Variants in ZFP92 observed in about 807,000 individuals in gnomAD.
ZFP92 encodes zinc finger protein 92 homolog.
Under a neutral mutation model 7.6 loss-of-function variants are expected in ZFP92, and 2 were observed. That is an observed-to-expected ratio of 0.26 (90% CI 0.11 to 0.83). ZFP92 has a LOEUF of 0.83. Ranked by LOEUF, ZFP92 falls within the 40% of genes least tolerant of loss-of-function variation. The probability of loss-of-function intolerance (pLI) is 0.65; values close to 1 mark genes in which losing one functional copy is unlikely to be tolerated. For synonymous variants in ZFP92, 226 were observed against 183.6 expected (o/e 1.23, Z -1.87); for missense variants, 324 against 408.3 (o/e 0.79, Z 1.78).
In ZFP92 at chrX:153,425,729, T is replaced by C. The variant is rs1018316067; in HGVS notation, c.*4101T>C. 1 of 111,462 alleles carries C rather than the reference T, an allele frequency of 9.0e-6. No homozygotes were observed. Among genetic ancestry groups the C allele is most frequent in the Non-Finnish European group, 1.9e-5 (1 of 53,006 alleles). The allele number at this position is 111,462 out of a possible 1,213,427, so 9.2% of individuals were successfully genotyped here. A position where few individuals can be genotyped will look rare whatever the true frequency, so the allele number is the denominator to read the frequency against. Reference sequence around the variant, plus strand: ...GCCACGTGTCTCAGGGGCTCCCACTTGCCATGGGACTCGCAGCTGGTTCCA... The same window carrying C: ...GCCACGTGTCTCAGGGGCTCCCACTCGCCATGGGACTCGCAGCTGGTTCCA... On this transcript the variant is annotated 3_prime_UTR_variant, in exon 6 of 6. Coordinates refer to ENST00000338647, the MANE Select transcript of ZFP92 (RefSeq NM_001136273.2).
chrX:153,421,066 A>C lies in ZFP92; in HGVS notation c.689A>C (p.His230Pro). Residue 230 changes from histidine to proline, a missense_variant, in exon 6 of 6, where the codon CAC becomes CCC. Physicochemically the swap from His to Pro is moderately conservative, Grantham distance 77 (BLOSUM62 -2). Transcript: ENST00000338647. ...AACCTCATCAAGCACCAGGTCATCC[A>C]CAGCGGCGAGCGGCCCTTCGCCTGC... ...SSNLIKHQVIHSGERPFACGD... is the reference protein window; with the variant it reads ...SSNLIKHQVIPSGERPFACGD... The C allele has an allele frequency of 8.4e-7, 1 of 1,189,997 alleles. No homozygotes were observed. Among genetic ancestry groups the C allele is most frequent in the Non-Finnish European group, 1.1e-6 (1 of 884,374 alleles).
In ZFP92 at chrX:153,421,441, A is replaced by G; in HGVS notation, c.1064A>G (p.Lys355Arg). ...EKPYECSDCG[K>R]AFGRRANLFK... ...CCCTACGAGTGCAGCGACTGCGGCA[A>G]GGCCTTCGGCCGGCGCGCCAACCTA... The change falls in exon 6 of 6, where the codon AAG becomes AGG. Residue 355 changes from lysine (K) to arginine (R), a missense_variant. Coordinates refer to ENST00000338647, the MANE Select transcript of ZFP92 (RefSeq NM_001136273.2). The G allele has an allele frequency of 3.5e-6, 4 of 1,152,099 alleles. No individual in the cohort carries two copies. The highest frequency in any genetic ancestry group is 3.4e-6 in the Non-Finnish European group (3 of 870,611). The allele number at this position is 1,152,099 out of a possible 1,213,427, so 94.9% of individuals were successfully genotyped here. A position where few individuals can be genotyped will look rare whatever the true frequency, so the allele number is the denominator to read the frequency against.
intron 4 of ZFP92, among the ~76,000 whole-genome samples, 172 bp from the exon 5 acceptor site, chrX:153,420,056 G>A (rs1453796398): frequency 8.9e-6 from 1 of 112,529 alleles, no homozygotes; most frequent in Non-Finnish European, 1.9e-5. Context: ...TGGACGCGCA[G>A]GAGCCCTTGC....
chrX:153,418,661 G>C lies in ZFP92; in HGVS notation c.34-12G>C. ...TGAATTCCCCTGTGGCCACAAGAAT[G>C]CCTTATTTTAGGTGCCAGTATCTTT... On this transcript the variant is annotated splice_polypyrimidine_tract_variant and intron_variant, in intron 3 of 5. Transcript: ENST00000338647. The C allele has an allele frequency of 8.6e-7, 1 of 1,167,186 alleles. No individual in the cohort carries two copies. Among genetic ancestry groups the C allele is most frequent in the Admixed American group, 2.6e-5 (1 of 38,678 alleles).
rs2089026844 is a variant in ZFP92, at chrX:153,424,136, A to T, written c.*2508A>T. 8.9e-6 allele frequency: 1 copy of T among 111,750 alleles called. No individual in the cohort carries two copies. Among genetic ancestry groups the T allele is most frequent in the Non-Finnish European group, 1.9e-5 (1 of 53,113 alleles). 9.2% of individuals were successfully genotyped at this position (111,750 alleles called of 1,213,427 possible). A position where few individuals can be genotyped will look rare whatever the true frequency, so the allele number is the denominator to read the frequency against. On this transcript the variant is annotated 3_prime_UTR_variant, in exon 6 of 6. Transcript: ENST00000338647. ...TTTTTCACCTCAGGACCTACCCAAG[A>T]CTGTCTAGATACTGGCAGGACAAGG...
chrX:153,413,597 G>A (rs1345805123), intron 2 of ZFP92, among the ~76,000 whole-genome samples: 2 of 109,673 alleles, frequency 1.8e-5, no homozygotes, highest in Admixed American at 9.7e-5. Context: ...GCTGTGCCTC[G>A]GGGAAGCCTG....
At chrX:153,419,022 C>T (rs1450349467) in intron 4 of ZFP92, among the ~76,000 whole-genome samples, 15 of 112,592 alleles carry the variant, frequency 1.3e-4, no homozygotes, top group Non-Finnish European at 2.8e-4. Flanking sequence ...TAGGTAAATG[C>T]GTTGGCCTGT....
At chrX:153,416,548 G>A (rs781864937) in intron 2 of ZFP92, among the ~76,000 whole-genome samples, 1 of 111,377 alleles carries the variant, frequency 9.0e-6, no homozygotes, top group African/African-American at 3.3e-5. Flanking sequence ...CCTCTCTCCT[G>A]TGGCGTTGTT....
intron 3 of ZFP92, 79 bp from the exon 4 acceptor site, chrX:153,418,594 C>T (rs1329220940): frequency 3.9e-5 from 44 of 1,136,716 alleles, no homozygotes; most frequent in Non-Finnish European, 4.7e-5. Flanking sequence ...CCCCCGCCCC[C>T]CACATTTTGT....
Position 153,422,290 on chromosome X carries a change from G to A in ZFP92, c.*662G>A. 1 of 111,934 alleles carries A rather than the reference G, an allele frequency of 8.9e-6. No individual in the cohort carries two copies. Among genetic ancestry groups the A allele is most frequent in the South Asian group, 3.7e-4 (1 of 2,685 alleles). 9.2% of individuals were successfully genotyped at this position (111,934 alleles called of 1,213,427 possible). On this transcript the variant is annotated 3_prime_UTR_variant, in exon 6 of 6. Transcript: ENST00000338647. ...CCCTGAATGTTGGCATAGGATGGGG[G>A]GCTGTGCCAGAAAACTCCCGCCTTG...
At chrX:153,414,943 G>A (rs1316846673) in intron 2 of ZFP92, among the ~76,000 whole-genome samples, 1 of 113,554 alleles carries the variant, frequency 8.8e-6, no homozygotes, top group Non-Finnish European at 1.9e-5. Context: ...AGCTCTGAAC[G>A]AGAGAAGGCT....
At chrX:153,416,423 G>C (rs1040779326) in intron 2 of ZFP92, among the ~76,000 whole-genome samples, 1 of 111,759 alleles carries the variant, frequency 8.9e-6, no homozygotes, top group Non-Finnish European at 1.9e-5. Flanking sequence ...TATGTATCTT[G>C]GACCAATGTT....
chrX:153,412,028 T>A lies in ZFP92; in HGVS notation c.-19+15T>A. On this transcript the variant is annotated intron_variant, in intron 2 of 5. Transcript: ENST00000338647. Reference sequence around the variant, plus strand: ...TGATCTGCCTGGTGAGTTTGGATTTTGCACCTCTGGGTGTGAGAGTGCTGG... The same window carrying A: ...TGATCTGCCTGGTGAGTTTGGATTTAGCACCTCTGGGTGTGAGAGTGCTGG... Among the ~76,000 whole-genome samples, 1 of 113,017 alleles carries A rather than the reference T, an allele frequency of 8.8e-6. No homozygotes were observed. Among genetic ancestry groups the A allele is most frequent in the South Asian group, 3.6e-4 (1 of 2,756 alleles).
intron 2 of ZFP92, among the ~76,000 whole-genome samples, chrX:153,415,828 C>T (rs1403986184): frequency 2.7e-5 from 3 of 111,347 alleles, no homozygotes; most frequent in Non-Finnish European, 5.7e-5. Context: ...GGGACATTTT[C>T]TTCCATGACC....
At chrX:153,416,842 G>A (rs925663256) in intron 2 of ZFP92, among the ~76,000 whole-genome samples, 1 of 111,861 alleles carries the variant, frequency 8.9e-6, no homozygotes, top group Non-Finnish European at 1.9e-5. Context: ...GCCTCAAGCT[G>A]CTTCCATTCA....
intron 2 of ZFP92, among the ~76,000 whole-genome samples, chrX:153,414,056 A>G (rs1569529413): frequency 8.9e-6 from 1 of 112,623 alleles, no homozygotes; most frequent in Non-Finnish European, 1.9e-5. Context: ...GAGGGACTAG[A>G]GATAACTCCT....
Position 153,420,694 on chromosome X carries a change from G to C in ZFP92, c.317G>C (p.Arg106Pro). The C allele has an allele frequency of 8.8e-7, 1 of 1,132,005 alleles. No homozygotes were observed. Among genetic ancestry groups the C allele is most frequent in the Non-Finnish European group, 1.2e-6 (1 of 855,001 alleles). The allele number at this position is 1,132,005 out of a possible 1,213,427, so 93.3% of individuals were successfully genotyped here. The change falls in exon 6 of 6, where the codon CGA (arginine) becomes CCA (proline). Residue 106 changes from arginine (R) to proline (P), a missense_variant. By Grantham distance (103) the Arg-to-Pro change is moderately radical (BLOSUM62 -2). Transcript: ENST00000338647. ...ACTTCAACGCAGAAGCATTCTGGAC[G>C]ACAACTCCCCGGGGCCGATCCACAA... Reference protein sequence around the residue: ...TSTSTQKHSGRQLPGADPQGG... With the variant: ...TSTSTQKHSGPQLPGADPQGG...
intron 2 of ZFP92, among the ~76,000 whole-genome samples, chrX:153,412,599 G>A (rs1556973157): frequency 8.9e-6 from 1 of 112,164 alleles, no homozygotes; most frequent in African/African-American, 3.2e-5. Flanking sequence ...ACTTGAAGGT[G>A]GTAAAAGAGC....
rs1356274376 is a variant in ZFP92 at position 153,426,429 on chromosome X, G to T, written c.*4801G>T. The T allele has an allele frequency of 9.0e-6, 1 of 110,998 alleles. No homozygotes were observed. Among genetic ancestry groups the T allele is most frequent in the Non-Finnish European group, 1.9e-5 (1 of 53,080 alleles). 9.1% of individuals were successfully genotyped at this position (110,998 alleles called of 1,213,427 possible). ...ATACCTGTTGATGGACATTTGGGTTGTTACCAGGTTTTGGCCATGACAAAT... is the reference window on the plus strand; with the variant it reads ...ATACCTGTTGATGGACATTTGGGTTTTTACCAGGTTTTGGCCATGACAAAT... On this transcript the variant is annotated 3_prime_UTR_variant, in exon 6 of 6. Coordinates refer to ENST00000338647, the MANE Select transcript of ZFP92 (RefSeq NM_001136273.2).
Sources: gnomAD v4.1 joint callset for allele counts (sites outside exome capture counted in the v4.1 genomes callset) on GRCh38, gnomAD v4.1.1 for gene constraint, MANE v1.5 for transcripts, NCBI Gene and HGNC (gene_info 2026-07-23, HGNC 2026-07-21) for gene names.